The following SLC25A26 variants were observed in gnomAD, a reference collection of about 807,000 sequenced individuals.
SLC25A26 encodes the protein solute carrier family 25 member 26.
In SLC25A26, 36 loss-of-function variants were observed where a neutral mutation model predicts 37.8. The ratio of observed to expected loss-of-function variants is 0.95; its 90% confidence interval spans 0.73 to 1.26. The LOEUF is 1.26. Among genes scored for constraint, SLC25A26 ranks in the 50% most tolerant of loss-of-function variants. SLC25A26 has a pLI of 0.00. For synonymous variants in SLC25A26, 129 were observed against 122.5 expected, an observed-to-expected ratio of 1.05 and a Z score of -0.35; for missense variants, 390 against 331.1, an observed-to-expected ratio of 1.18 and a Z score of -1.38.
At chr3:66,362,219 C>G (rs1191665421) in intron 6 of SLC25A26, among the ~76,000 whole-genome samples, 2 of 152,008 alleles carry the variant, frequency 1.3e-5, no homozygotes, top group Non-Finnish European at 2.9e-5. Context: ...AGCATGTATA[C>G]ATATAAAGAC....
chr3:66,214,089 G>T lies in SLC25A26; in HGVS notation c.-353-6653G>T, dbSNP rs1025791137. Among the ~76,000 whole-genome samples the T allele has an allele frequency of 3.9e-5, 6 of 152,266 alleles. No homozygotes were observed. In the East Asian group the frequency reaches 1.2e-3, roughly 29 times the overall value. On this transcript the variant is annotated intron_variant, in intron 1 of 10. Transcript: ENST00000676754. Reference sequence around the variant, plus strand: ...CCTTCCCAATCTCATGTTGAAATGTGATTCCCAGTGTTGGAGGTTGAGCCT... The same window carrying T: ...CCTTCCCAATCTCATGTTGAAATGTTATTCCCAGTGTTGGAGGTTGAGCCT...
intron 6 of SLC25A26, among the ~76,000 whole-genome samples, chr3:66,356,925 C>T (rs1298719761): frequency 1.3e-5 from 2 of 152,054 alleles, no homozygotes; most frequent in Admixed American, 6.5e-5. Context: ...CCGCTGCACT[C>T]GGTGGAATGT....
At chr3:66,296,740 T>C (rs2074914758) in intron 5 of SLC25A26, among the ~76,000 whole-genome samples, 1 of 152,252 alleles carries the variant, frequency 6.6e-6, no homozygotes, top group Non-Finnish European at 1.5e-5. Flanking sequence ...TTAACTTAAG[T>C]TTCATAGTTT....
intron 1 of SLC25A26, among the ~76,000 whole-genome samples, chr3:66,229,029 G>A (rs1350746296): frequency 6.6e-6 from 1 of 152,158 alleles, no homozygotes; most frequent in East Asian, 1.9e-4. Context: ...TTGAATATAG[G>A]AATGTCATCT....
intron 2 of SLC25A26, among the ~76,000 whole-genome samples, chr3:66,239,590 T>C (rs1445667146): frequency 6.6e-6 from 1 of 152,228 alleles, no homozygotes; most frequent in Non-Finnish European, 1.5e-5. Context: ...CATTAACTTC[T>C]TCAGCTTTAG....
At chr3:66,342,944 A>G (rs2076242787) in intron 5 of SLC25A26, among the ~76,000 whole-genome samples, 1 of 152,202 alleles carries the variant, frequency 6.6e-6, no homozygotes, top group Admixed American at 6.5e-5. Context: ...ACAGTGAGCC[A>G]TTTTGTAACT....
intron 5 of SLC25A26, among the ~76,000 whole-genome samples, chr3:66,312,737 C>T (rs2075417422): frequency 6.6e-6 from 1 of 152,104 alleles, no homozygotes; most frequent in African/African-American, 2.4e-5. Flanking sequence ...CTCAAGGCTT[C>T]CCTTGTTTAG....
chr3:66,365,934 T>C (rs2076814640), intron 7 of SLC25A26, among the ~76,000 whole-genome samples: 2 of 152,188 alleles, frequency 1.3e-5, no homozygotes, highest in Non-Finnish European at 2.9e-5. Context: ...TCCCCACTGC[T>C]GCCCCCACAT....
intron 5 of SLC25A26, among the ~76,000 whole-genome samples, chr3:66,288,210 G>T (rs2074579179): frequency 6.6e-6 from 1 of 152,208 alleles, no homozygotes; most frequent in South Asian, 2.1e-4. Flanking sequence ...CAAATAGACA[G>T]TGAAGGAGTG....
At chr3:66,177,757 T>C (rs2070614484) in intron 1 of SLC25A26, among the ~76,000 whole-genome samples, 1 of 152,190 alleles carries the variant, frequency 6.6e-6, no homozygotes, top group Non-Finnish European at 1.5e-5. Flanking sequence ...AGATATGAAG[T>C]AGGAGTCAAC....
intron 5 of SLC25A26, among the ~76,000 whole-genome samples, chr3:66,330,651 G>A (rs796548639): frequency 3.3e-4 from 45 of 136,320 alleles, no homozygotes; most frequent in African/African-American, 1.1e-3. Flanking sequence ...GGTGGGGGGA[G>A]TGGGTAGGCA....
intron 6 of SLC25A26, among the ~76,000 whole-genome samples, chr3:66,353,179 T>A (rs529233355): frequency 2.0e-5 from 3 of 152,186 alleles, no homozygotes; most frequent in Admixed American, 2.0e-4. Context: ...TGAGCACCTT[T>A]TACTGTGTGC....
At chr3:66,350,350 C>G (rs1326369291) in intron 6 of SLC25A26, among the ~76,000 whole-genome samples, 1 of 152,162 alleles carries the variant, frequency 6.6e-6, no homozygotes, top group Admixed American at 6.5e-5. Flanking sequence ...AATCAGTATT[C>G]TCCTGGCCAC....
At chr3:66,368,467 G>C (rs1419812257) in intron 7 of SLC25A26, among the ~76,000 whole-genome samples, 1 of 152,174 alleles carries the variant, frequency 6.6e-6, no homozygotes, top group Non-Finnish European at 1.5e-5. Flanking sequence ...TGAGAGAGAA[G>C]GTTAGGAAGG....
intron 1 of SLC25A26, among the ~76,000 whole-genome samples, chr3:66,139,296 C>T (rs910701748): frequency 6.6e-6 from 1 of 152,134 alleles, no homozygotes; most frequent in African/African-American, 2.4e-5. Flanking sequence ...AATTCTGCAG[C>T]CTCTTATTTC....
intron 5 of SLC25A26, among the ~76,000 whole-genome samples, chr3:66,303,015 C>T (rs1353148806): frequency 1.3e-5 from 2 of 152,168 alleles, no homozygotes; most frequent in African/African-American, 4.8e-5. Flanking sequence ...AGCAGCATCC[C>T]TGGCCTCTAC....
At chr3:66,268,355 A>C (rs754328908) in intron 5 of SLC25A26, among the ~76,000 whole-genome samples, 4 of 152,206 alleles carry the variant, frequency 2.6e-5, no homozygotes, top group Non-Finnish European at 5.9e-5. Context: ...GTACCAATTG[A>C]CACTTGCCAA....
intron 1 of SLC25A26, among the ~76,000 whole-genome samples, chr3:66,161,702 A>G (rs899928174): frequency 5.3e-5 from 8 of 152,232 alleles, no homozygotes; most frequent in African/African-American, 1.7e-4. Context: ...TTTTTCATTC[A>G]TATCTATGCA....
chr3:66,356,696 G>C (rs1022394401), intron 6 of SLC25A26, among the ~76,000 whole-genome samples: 1 of 152,074 alleles, frequency 6.6e-6, no homozygotes, highest in South Asian at 2.1e-4. Context: ...TGGTGTGATC[G>C]CTGATAACTG....
Sources: gnomAD v4.1 joint callset for allele counts (sites outside exome capture counted in the v4.1 genomes callset) on GRCh38, gnomAD v4.1.1 for gene constraint, MANE v1.5 for transcripts, NCBI Gene and HGNC (gene_info 2026-07-23, HGNC 2026-07-21) for gene names.